The following LHFPL2 variants were observed in gnomAD, a reference collection of about 807,000 sequenced individuals.
LHFPL2 encodes LHFPL tetraspan subfamily member 2.
LHFPL2 carries 7 observed loss-of-function variants against 17.5 expected under a neutral mutation model. That is an observed-to-expected ratio of 0.40 (90% CI 0.23 to 0.75). The LOEUF (loss-of-function observed/expected upper bound fraction) is 0.75. LHFPL2 is among the 30% of genes least tolerant of loss of function. LHFPL2 has a pLI of 0.37. For synonymous variants in LHFPL2, 134 were observed against 116.2 expected, an observed-to-expected ratio of 1.15 and a Z score of -0.99; for missense variants, 241 against 294.8, an observed-to-expected ratio of 0.82 and a Z score of 1.34.
At chr5:78,495,417 A>G (rs1436919608) in intron 4 of LHFPL2, among the ~76,000 whole-genome samples, 6 of 152,216 alleles carry the variant, frequency 3.9e-5, no homozygotes, top group Non-Finnish European at 1.5e-5. Context: ...TTCCTGCCTG[A>G]AAAGGGAGCA....
Position 78,617,691 on chromosome 5 carries a change from G to C in LHFPL2, c.-245+14573C>G, listed in dbSNP as rs538291602. On this transcript the variant is annotated intron_variant, in intron 2 of 4. Coordinates refer to ENST00000380345, the MANE Select transcript of LHFPL2 (RefSeq NM_005779.3). ...GGAGGATCCACAGAGTTGCCTTAGA[G>C]TATGAGAGCAATAATTTAGGAGAGG... is the stretch of plus-strand genomic sequence containing the variant. 3.3e-5 allele frequency among the ~76,000 whole-genome samples: 5 copies of C among 152,272 alleles called. No homozygotes were observed. The South Asian group carries it at 1.0e-3, about 32-fold the overall frequency.
intron 2 of LHFPL2, among the ~76,000 whole-genome samples, chr5:78,573,145 T>C (rs1757045340): frequency 6.6e-6 from 1 of 152,064 alleles, no homozygotes; most frequent in African/African-American, 2.4e-5. Flanking sequence ...GGAACTCAAT[T>C]TCCTGGAACG....
intron 3 of LHFPL2, among the ~76,000 whole-genome samples, chr5:78,544,192 C>G (rs1448619388): frequency 6.6e-6 from 1 of 152,238 alleles, no homozygotes; most frequent in African/African-American, 2.4e-5. Context: ...AGCCCCCAAC[C>G]TGTGAGAACT....
In LHFPL2 at chr5:78,612,004, C is replaced by T. The variant is rs574894048; in HGVS notation, c.-245+20260G>A. Among the ~76,000 whole-genome samples the T allele has an allele frequency of 1.5e-4, 22 of 150,154 alleles. 1 individual carries two copies. Among genetic ancestry groups the T allele is most frequent in the South Asian group, 8.3e-4 (4 of 4,822 alleles). ...CCTTTCTAGACAGTGTATTTCTCTC[C>T]GAAACAACGAAACAACTATTTTTAT... is the stretch of plus-strand genomic sequence containing the variant. On this transcript the variant is annotated intron_variant, in intron 2 of 4. Transcript: ENST00000380345.
At chr5:78,504,408 TCTC>T (rs1375343462) in intron 4 of LHFPL2, among the ~76,000 whole-genome samples, 1 of 152,134 alleles carries the variant, frequency 6.6e-6, no homozygotes, top group Non-Finnish European at 1.5e-5. Context: ...TTCTGATTTC[TCTC>T]CTCTCAGTGG....
intron 2 of LHFPL2, among the ~76,000 whole-genome samples, chr5:78,568,129 A>C (rs879448250): frequency 6.6e-6 from 1 of 152,106 alleles, no homozygotes; most frequent in Non-Finnish European, 1.5e-5. Context: ...CATTTTCCTA[A>C]ATGCAAATAT....
At chr5:78,633,621 A>G (rs1324149580) in intron 1 of LHFPL2, among the ~76,000 whole-genome samples, 1 of 152,230 alleles carries the variant, frequency 6.6e-6, no homozygotes. Context: ...TCAAGGCCTC[A>G]CACTCCATAG....
chr5:78,527,265 G>A lies in LHFPL2; in HGVS notation c.-185-16867C>T, dbSNP rs539748346. On this transcript the variant is annotated intron_variant, in intron 3 of 4. Coordinates refer to ENST00000380345, the MANE Select transcript of LHFPL2 (RefSeq NM_005779.3). ...ACGCCTTGGAGACAGGAAAACAAACGAACCCAGTTACTATGTTTTTAACTC... is the reference window on the plus strand; with the variant it reads ...ACGCCTTGGAGACAGGAAAACAAACAAACCCAGTTACTATGTTTTTAACTC... Among the ~76,000 whole-genome samples the A allele has an allele frequency of 2.1e-4, 32 of 151,416 alleles. No individual in the cohort carries two copies. In the South Asian group the frequency reaches 6.7e-3, roughly 32 times the overall value.
At chr5:78,514,446 GT>G (rs1284042668) in intron 3 of LHFPL2, among the ~76,000 whole-genome samples, 1 of 152,090 alleles carries the variant, frequency 6.6e-6, no homozygotes, top group Non-Finnish European at 1.5e-5. Context: ...AAAATGGCTG[GT>G]CTGTGGGAGT....
At chr5:78,544,875 C>T (rs1756223615) in intron 3 of LHFPL2, among the ~76,000 whole-genome samples, 2 of 152,128 alleles carry the variant, frequency 1.3e-5, no homozygotes, top group Non-Finnish European at 2.9e-5. Flanking sequence ...ACCAGGACAG[C>T]GACAAGCTTT....
intron 3 of LHFPL2, among the ~76,000 whole-genome samples, chr5:78,517,206 C>G (rs530999661): frequency 6.6e-6 from 1 of 152,224 alleles, no homozygotes; most frequent in Non-Finnish European, 1.5e-5. Context: ...TCAGCTGCCT[C>G]GCAGCCCCTC....
chr5:78,515,521 AT>A (rs556770616), intron 3 of LHFPL2, among the ~76,000 whole-genome samples: 42 of 152,330 alleles, frequency 2.8e-4, no homozygotes, highest in Non-Finnish European at 4.7e-4. Context: ...TATGGCCTCC[AT>A]CCCCGTTTCT....
At chr5:78,517,889 T>C (rs1166024122) in intron 3 of LHFPL2, among the ~76,000 whole-genome samples, 5 of 152,232 alleles carry the variant, frequency 3.3e-5, no homozygotes, top group Non-Finnish European at 7.3e-5. Context: ...TTGCGTATTT[T>C]ATGTTTGTTT....
Position 78,648,255 on chromosome 5 carries a change from G to A in LHFPL2, c.-350+244C>T, listed in dbSNP as rs1745959636. On this transcript the variant is annotated intron_variant, in intron 1 of 4. Coordinates refer to ENST00000380345, the MANE Select transcript of LHFPL2 (RefSeq NM_005779.3). The surrounding 1 kb of genome is among the most constrained non-coding windows in gnomAD (Gnocchi z 5.4). ...TTTTTCCACTTCTGCGGCCGCCGGC[G>A]GCGCTGAGAAGCAGCTGTTCCCTTC... 6.6e-6 allele frequency among the ~76,000 whole-genome samples: 1 copy of A among 152,088 alleles called. No homozygotes were observed. The highest frequency in any genetic ancestry group is 2.4e-5 in the African/African-American group (1 of 41,446).
intron 2 of LHFPL2, among the ~76,000 whole-genome samples, chr5:78,583,899 C>A (rs1469367239): frequency 6.6e-6 from 1 of 151,346 alleles, no homozygotes; most frequent in East Asian, 1.9e-4. Context: ...GTTCCATTCT[C>A]CCCATCACTT....
At chr5:78,509,742 C>G (rs955005266) in intron 4 of LHFPL2, 42 bp downstream of exon 4, 1 of 1,578,932 alleles carries the variant, frequency 6.3e-7, no homozygotes, top group Non-Finnish European at 8.6e-7. Context: ...CGGCAGCTCT[C>G]CATCCCTCCA....
intron 3 of LHFPL2, among the ~76,000 whole-genome samples, chr5:78,542,859 G>A (rs978913948): frequency 2.0e-4 from 30 of 152,214 alleles, no homozygotes; most frequent in African/African-American, 7.0e-4. Context: ...CTCAGTGAAT[G>A]CTCCTTAAGT....
chr5:78,531,882 C>A (rs1357192828), intron 3 of LHFPL2, among the ~76,000 whole-genome samples: 1 of 152,034 alleles, frequency 6.6e-6, no homozygotes, highest in Admixed American at 6.6e-5. Context: ...CTACCTCAGC[C>A]TCCTGTGTAG....
chr5:78,497,279 TAA>T (rs1754635884), intron 4 of LHFPL2, among the ~76,000 whole-genome samples: 2 of 87,702 alleles, frequency 2.3e-5, no homozygotes, highest in Non-Finnish European at 5.8e-5. Context: ...CTATCTCCTT[TAA>T]GGCTGTGGTT....
Sources: allele counts gnomAD v4.1 joint callset (sites outside exome capture counted in the v4.1 genomes callset), GRCh38; gene constraint gnomAD v4.1.1; non-coding constraint Gnocchi (gnomAD v3.1); transcripts MANE v1.5; gene names NCBI Gene and HGNC (gene_info 2026-07-23, HGNC 2026-07-21).